Variants in ATXN7L1 observed in about 807,000 individuals in gnomAD.
ATXN7L1 encodes the protein ataxin 7 like 1.
Under a neutral mutation model 70.8 loss-of-function variants are expected in ATXN7L1, and 15 were observed. That is an observed-to-expected ratio of 0.21 (90% confidence interval 0.14 to 0.33). The LOEUF is 0.33. Ranked by LOEUF, ATXN7L1 falls within the 10% of genes least tolerant of loss-of-function variation. The pLI, the probability that ATXN7L1 is intolerant of heterozygous loss-of-function variation, is 1.00. For synonymous variants in ATXN7L1, 440 were observed against 445.1 expected (o/e 0.99, Z 0.14); for missense variants, 975 against 1,097.1 (o/e 0.89, Z 1.57).
At chr7:105,622,400 C>T (rs549595975) in intron 8 of ATXN7L1, among the ~76,000 whole-genome samples, 101 of 152,314 alleles carry the variant, frequency 6.6e-4, no homozygotes, top group African/African-American at 2.2e-3. Flanking sequence ...TGATTCCGTA[C>T]AGATGCGAGG....
intron 2 of ATXN7L1, among the ~76,000 whole-genome samples, chr7:105,841,058 A>G (rs532265186): frequency 6.6e-6 from 1 of 152,270 alleles, no homozygotes; most frequent in Admixed American, 6.5e-5. Context: ...TTTTCTATAA[A>G]TCTCATTGCT....
intron 3 of ATXN7L1, among the ~76,000 whole-genome samples, chr7:105,725,909 T>C (rs1257851185): frequency 1.3e-5 from 2 of 150,242 alleles, no homozygotes; most frequent in African/African-American, 4.9e-5. Context: ...CTTTCTTTTT[T>C]TTTTTTTTTT....
At chr7:105,761,395 C>T (rs1288384028) in intron 3 of ATXN7L1, 4 of 1,614,068 alleles carry the variant, frequency 2.5e-6, no homozygotes, top group Non-Finnish European at 3.4e-6. Context: ...TGATGCTTCT[C>T]TATGGCTTGG....
intron 3 of ATXN7L1, among the ~76,000 whole-genome samples, chr7:105,739,990 T>C (rs1326919257): frequency 3.9e-5 from 6 of 152,196 alleles, no homozygotes; most frequent in African/African-American, 1.4e-4. Flanking sequence ...CTGTAAGAAA[T>C]ATAAGTACTT....
chr7:105,768,043 A>G (rs1801511394), intron 3 of ATXN7L1, among the ~76,000 whole-genome samples: 1 of 152,218 alleles, frequency 6.6e-6, no homozygotes, highest in African/African-American at 2.4e-5. Context: ...AGGACGCTTC[A>G]TAGATGATCT....
chr7:105,623,403 A>T (rs1171857927), intron 8 of ATXN7L1, among the ~76,000 whole-genome samples: 1 of 152,176 alleles, frequency 6.6e-6, no homozygotes, highest in Non-Finnish European at 1.5e-5. Flanking sequence ...ACAAGCCTCC[A>T]GGGGATGCCT....
chr7:105,860,846 A>G (rs1352238889), intron 2 of ATXN7L1, among the ~76,000 whole-genome samples: 1 of 152,218 alleles, frequency 6.6e-6, no homozygotes, highest in African/African-American at 2.4e-5. Flanking sequence ...AGGGGATGAT[A>G]TGATCGCTTT....
In ATXN7L1 at chr7:105,764,853, T is replaced by C. The variant is rs148935364; in HGVS notation, c.355+23751A>G. ...GTAACCTTTCTAAAGTAAGTAAATGTGTGGGTTTAATATATCATGTACAGC... is the reference window on the plus strand; with the variant it reads ...GTAACCTTTCTAAAGTAAGTAAATGCGTGGGTTTAATATATCATGTACAGC... On this transcript the variant is annotated intron_variant, in intron 3 of 11. Coordinates refer to ENST00000419735, the MANE Select transcript of ATXN7L1 (RefSeq NM_020725.2). Among the ~76,000 whole-genome samples the C allele has an allele frequency of 3.1e-3, 465 of 152,058 alleles. 4 individuals are homozygous for C. The highest frequency in any genetic ancestry group is 9.8e-3 in the African/African-American group (407 of 41,460).
intron 10 of ATXN7L1, among the ~76,000 whole-genome samples, chr7:105,613,220 A>G (rs1218106955): frequency 2.6e-5 from 4 of 152,220 alleles, no homozygotes; most frequent in African/African-American, 9.6e-5. Flanking sequence ...CTTCCTCACC[A>G]TACACACTCC....
intron 2 of ATXN7L1, among the ~76,000 whole-genome samples, chr7:105,821,611 G>A (rs1023770963): frequency 1.3e-5 from 2 of 152,236 alleles, no homozygotes; most frequent in Admixed American, 1.3e-4. Context: ...TGGAAGAGTA[G>A]GGTGGTTTCA....
intron 3 of ATXN7L1, among the ~76,000 whole-genome samples, chr7:105,731,434 C>CT (rs34234302): frequency 0.2 from 26,785 of 134,224 alleles, 2,974 homozygotes; most frequent in East Asian, 0.32. Flanking sequence ...CTTCTTACTC[C>CT]TTTTTTTTTT....
At chr7:105,807,701 C>A (rs1440821513) in intron 2 of ATXN7L1, among the ~76,000 whole-genome samples, 1 of 152,202 alleles carries the variant, frequency 6.6e-6, no homozygotes, top group Non-Finnish European at 1.5e-5. Context: ...GGCTGGGCTG[C>A]AGTAGCATGG....
intron 2 of ATXN7L1, among the ~76,000 whole-genome samples, chr7:105,805,361 C>G: frequency 6.6e-6 from 1 of 152,134 alleles, no homozygotes; most frequent in East Asian, 1.9e-4. Flanking sequence ...GTTGGATATG[C>G]AGGAAGTTCA....
chr7:105,858,460 C>G lies in ATXN7L1; in HGVS notation c.250+17352G>C, dbSNP rs76684916. Among the ~76,000 whole-genome samples the G allele has an allele frequency of 2.3e-3, 353 of 152,312 alleles. 2 individuals are homozygous for G. The highest frequency in any genetic ancestry group is 8.1e-3 in the African/African-American group (336 of 41,570). On this transcript the variant is annotated intron_variant, in intron 2 of 11. Transcript: ENST00000419735. ...CATCCTACAATCCCCAAAGAAATAA[C>G]TGATCCAGGCAAGGGTCATCAATGA... is the stretch of plus-strand genomic sequence containing the variant.
chr7:105,618,899 C>T (rs1223781586), intron 9 of ATXN7L1, among the ~76,000 whole-genome samples: 1 of 152,088 alleles, frequency 6.6e-6, no homozygotes, highest in Admixed American at 6.6e-5. Flanking sequence ...AATGTAAGTA[C>T]ACTGGGAAGT....
intron 3 of ATXN7L1, among the ~76,000 whole-genome samples, chr7:105,725,615 C>T (rs1795714040): frequency 6.8e-6 from 1 of 146,958 alleles, no homozygotes; most frequent in African/African-American, 2.5e-5. Flanking sequence ...GAGTCTCACT[C>T]TGTCATCCAG....
chr7:105,777,788 C>G (rs1403361345), intron 3 of ATXN7L1, among the ~76,000 whole-genome samples: 2 of 152,206 alleles, frequency 1.3e-5, no homozygotes, highest in Admixed American at 1.3e-4. Context: ...ACTCAATACC[C>G]CCCAGTGTCT....
intron 3 of ATXN7L1, among the ~76,000 whole-genome samples, chr7:105,770,582 G>A (rs887710575): frequency 2.0e-5 from 3 of 152,164 alleles, no homozygotes; most frequent in African/African-American, 7.2e-5. Context: ...CTGACCTCAA[G>A]AGGGACAGCA....
At chr7:105,826,893 AAG>A (rs953150160) in intron 2 of ATXN7L1, among the ~76,000 whole-genome samples, 9 of 152,222 alleles carry the variant, frequency 5.9e-5, no homozygotes, top group African/African-American at 2.2e-4. Flanking sequence ...AATATTTTAC[AAG>A]AGACTTACAA....
Sources: allele counts gnomAD v4.1 joint callset (sites outside exome capture counted in the v4.1 genomes callset), GRCh38; gene constraint gnomAD v4.1.1; transcripts MANE v1.5; gene names NCBI Gene and HGNC (gene_info 2026-07-23, HGNC 2026-07-21).